RIPOR2: variants seen among roughly 807,000 people sequenced by gnomAD.
The protein encoded by RIPOR2 is rho family-interacting cell polarization regulator 2.
RIPOR2 carries 39 observed loss-of-function variants against 114.5 expected under a neutral mutation model. That is an observed-to-expected ratio of 0.34 (90% CI 0.26 to 0.44). RIPOR2 has a LOEUF of 0.44. RIPOR2 is among the 20% of genes least tolerant of loss of function. The probability of loss-of-function intolerance (pLI) is 1.00; values close to 1 mark genes in which losing one functional copy is unlikely to be tolerated. For missense variants in RIPOR2, 1,007 were observed against 1,255.1 expected, an observed-to-expected ratio of 0.80 and a Z score of 2.99; for synonymous variants, 445 against 484.4, an observed-to-expected ratio of 0.92 and a Z score of 1.07.
intron 1 of RIPOR2, among the ~76,000 whole-genome samples, chr6:24,927,931 T>C (rs1364732362): frequency 6.6e-6 from 1 of 152,194 alleles, no homozygotes; most frequent in Non-Finnish European, 1.5e-5. Flanking sequence ...AGAATTTCTG[T>C]ATGCAAAGTA....
intron 8 of RIPOR2, among the ~76,000 whole-genome samples, chr6:24,859,267 T>C (rs1763819899): frequency 6.6e-6 from 1 of 152,152 alleles, no homozygotes. Flanking sequence ...TTAGCAGTGA[T>C]AGGTGATGTG....
rs866430817 is a variant in RIPOR2, at chr6:24,880,621, T to C, written c.62-4804A>G. On this transcript the variant is annotated intron_variant, in intron 1 of 21. Transcript: ENST00000643898. The stretch of plus-strand genomic sequence containing the variant: ...AGGAGACAGCTCATAAACAAGATCA[T>C]ATAACTCTGTTGAGTAATAACTGTA... Among the ~76,000 whole-genome samples the C allele has an allele frequency of 7.9e-5, 12 of 152,344 alleles. No individual in the cohort carries two copies. In the Middle Eastern group the frequency reaches 0.01, roughly 130 times the overall value.
intron 1 of RIPOR2, among the ~76,000 whole-genome samples, chr6:24,944,622 C>T (rs1355961948): frequency 1.3e-5 from 2 of 152,110 alleles, no homozygotes; most frequent in East Asian, 1.9e-4. Flanking sequence ...AATAGGAAGT[C>T]CCTAATGAAG....
chr6:25,034,554 A>C (rs1000325567), intron 1 of RIPOR2, among the ~76,000 whole-genome samples: 27 of 152,136 alleles, frequency 1.8e-4, no homozygotes, highest in African/African-American at 4.8e-4. Context: ...TTCTGTTACC[A>C]ACCAGAGACC....
intron 1 of RIPOR2, among the ~76,000 whole-genome samples, chr6:24,876,026 C>T (rs982177527): frequency 2.6e-5 from 4 of 152,170 alleles, no homozygotes; most frequent in African/African-American, 9.7e-5. Context: ...TGCGGTGGCT[C>T]ACACCTGTAA....
At chr6:24,899,758 CAA>C (rs1230395577) in intron 1 of RIPOR2, among the ~76,000 whole-genome samples, 5 of 152,108 alleles carry the variant, frequency 3.3e-5, no homozygotes, top group African/African-American at 4.8e-5. Flanking sequence ...TTTTTTCTCT[CAA>C]GTTTGTTTTT....
At chr6:24,889,348 G>A (rs559376615) in intron 1 of RIPOR2, among the ~76,000 whole-genome samples, 3 of 152,212 alleles carry the variant, frequency 2.0e-5, no homozygotes, top group East Asian at 1.9e-4. Flanking sequence ...AAATTCACCC[G>A]CGACCTGAAG....
At chr6:25,004,836 G>A (rs1775480470) in intron 1 of RIPOR2, among the ~76,000 whole-genome samples, 1 of 152,120 alleles carries the variant, frequency 6.6e-6, no homozygotes, top group Non-Finnish European at 1.5e-5. Context: ...TAAATCTGCT[G>A]TCTTTGAAGG....
chr6:25,019,545 G>A (rs931623223), intron 1 of RIPOR2, among the ~76,000 whole-genome samples: 26 of 152,022 alleles, frequency 1.7e-4, no homozygotes, highest in African/African-American at 6.3e-4. Context: ...TGAGGCGGGT[G>A]GATCACGAGG....
intron 1 of RIPOR2, among the ~76,000 whole-genome samples, chr6:25,034,082 CA>C (rs1353224442): frequency 8.2e-6 from 1 of 121,798 alleles, no homozygotes; most frequent in Non-Finnish European, 1.6e-5. Context: ...AAACAAACTA[CA>C]AAAAGGTTTT....
At chr6:24,937,758 G>A (rs1771896784), upstream of RIPOR2, among the ~76,000 whole-genome samples, 1 of 152,084 alleles carries the variant, frequency 6.6e-6, no homozygotes, top group African/African-American at 2.4e-5. Flanking sequence ...GGGCTCTGAG[G>A]GCTTGAAAAA....
intron 1 of RIPOR2, among the ~76,000 whole-genome samples, chr6:24,912,313 C>T (rs368886266): frequency 4.3e-4 from 65 of 152,326 alleles, no homozygotes; most frequent in African/African-American, 1.5e-3. Flanking sequence ...TTCACTCTTA[C>T]ATTGATCCTT....
intron 1 of RIPOR2, among the ~76,000 whole-genome samples, chr6:24,923,853 A>C (rs1247159632): frequency 6.6e-6 from 1 of 152,014 alleles, no homozygotes; most frequent in Admixed American, 6.6e-5. Flanking sequence ...GTCTCAAAAA[A>C]ATAAAATAAA....
At chr6:24,968,147 C>T (rs1773618392) in intron 1 of RIPOR2, among the ~76,000 whole-genome samples, 1 of 152,096 alleles carries the variant, frequency 6.6e-6, no homozygotes, top group Non-Finnish European at 1.5e-5. Context: ...CTCAGATGAT[C>T]TGCCCGCCTC....
chr6:25,030,208 T>A (rs780894784), intron 1 of RIPOR2, among the ~76,000 whole-genome samples: 9 of 152,028 alleles, frequency 5.9e-5, no homozygotes, highest in Non-Finnish European at 1.2e-4. Context: ...ATATACAATG[T>A]CAAAGAAAAA....
rs1375627623 is a variant in RIPOR2, at chr6:24,883,052, A to G, written c.62-7235T>C. 6.6e-6 allele frequency among the ~76,000 whole-genome samples: 1 copy of G among 152,220 alleles called. No homozygotes were observed. Among genetic ancestry groups the G allele is most frequent in the African/African-American group, 2.4e-5 (1 of 41,446 alleles). On this transcript the variant is annotated intron_variant, in intron 1 of 21. Coordinates refer to ENST00000643898, the MANE Select transcript of RIPOR2 (RefSeq NM_001286445.3). The surrounding 1 kb of genome is among the most constrained non-coding windows in gnomAD (Gnocchi z 4.1). ...GCATGCTTGAGTTGCAGGACATCAAACATCATGAAATTAAAACGAAAATAC... is the reference window on the plus strand; with the variant it reads ...GCATGCTTGAGTTGCAGGACATCAAGCATCATGAAATTAAAACGAAAATAC...
intron 1 of RIPOR2, among the ~76,000 whole-genome samples, chr6:24,920,386 A>G (rs970392561): frequency 6.6e-6 from 1 of 152,190 alleles, no homozygotes; most frequent in Non-Finnish European, 1.5e-5. Flanking sequence ...CACAATTATC[A>G]TGTTTACAGA....
At chr6:24,851,027 C>T (rs1294540142) in intron 9 of RIPOR2, among the ~76,000 whole-genome samples, 3 of 152,004 alleles carry the variant, frequency 2.0e-5, no homozygotes, top group Non-Finnish European at 4.4e-5. Flanking sequence ...TCCCAAGTAG[C>T]TGGGACTACA....
chr6:24,954,055 G>A (rs1161936951), intron 1 of RIPOR2, among the ~76,000 whole-genome samples: 2 of 152,164 alleles, frequency 1.3e-5, no homozygotes, highest in Admixed American at 1.3e-4. Context: ...CCCAAGAATT[G>A]TGATGAAATA....
Sources: allele counts gnomAD v4.1 joint callset (sites outside exome capture counted in the v4.1 genomes callset), GRCh38; gene constraint gnomAD v4.1.1; non-coding constraint Gnocchi (gnomAD v3.1); transcripts MANE v1.5; gene names NCBI Gene and HGNC (gene_info 2026-07-23, HGNC 2026-07-21).